NOC2L: variants seen among roughly 807,000 people sequenced by gnomAD.
NOC2L encodes NOC2 like nucleolar associated transcriptional repressor, also known as nucleolar complex protein 2 homolog.
A neutral mutation model predicts 94.2 loss-of-function variants in NOC2L; 101 were observed. The observed-to-expected ratio is 1.07, with a 90% CI of 0.91 to 1.26. The LOEUF is 1.26. NOC2L is among the 50% of genes most tolerant of loss of function. NOC2L has a pLI of 0.00. For missense variants in NOC2L, 1,076 were observed against 980.1 expected, an observed-to-expected ratio of 1.10 and a Z score of -1.31; for synonymous variants, 531 against 413.4, an observed-to-expected ratio of 1.28 and a Z score of -3.45.
rs988214710 is a variant in NOC2L at position 944,522 on chromosome 1, C to CCAGCT, written c.*167_*171dup. 9 of 627,318 alleles carry CCAGCT rather than the reference C, an allele frequency of 1.4e-5. No individual in the cohort carries two copies. The highest frequency in any genetic ancestry group is 2.1e-5 in the Non-Finnish European group (8 of 372,234). 38.9% of individuals were successfully genotyped at this position (627,318 alleles called of 1,614,324 possible). On this transcript the variant is annotated 3_prime_UTR_variant, in exon 19 of 19. Coordinates refer to ENST00000327044, the MANE Select transcript of NOC2L (RefSeq NM_015658.4). ...AGCAGCCACACCAGCCCAGCCCAGC[C>CCAGCT]CAGCTCTCGATACGTTTGGTCTTTC... is the stretch of plus-strand genomic sequence containing the variant.
At chr1:950,248 C>T (rs1044672227) in intron 12 of NOC2L, among the ~76,000 whole-genome samples, 2 of 151,332 alleles carry the variant, frequency 1.3e-5, no homozygotes, top group African/African-American at 4.9e-5. Context: ...GATGCAAATG[C>T]ATGCACACAA....
Position 953,228 on chromosome 1 carries a change from G to A in NOC2L, c.949C>T (p.Leu317Phe). The change falls in exon 9 of 19, where the codon CTC becomes TTC. Residue 317 changes from leucine (L) to phenylalanine (F), a missense_variant. By Grantham distance (22) the Leu-to-Phe change is conservative. Around this residue, in one of 3 missense-constraint regions of NOC2L, gnomAD observed 615 missense variants for 577.4 expected, o/e 1.07. Transcript: ENST00000327044. Reference protein sequence around the residue: ...ESLRVLAFLVLSRVCRHKKDT... With the variant: ...ESLRVLAFLVFSRVCRHKKDT... ...TTCTTGTGCCGGCAGACTCTGCTGAGGACCAGGAAAGCCAGCACCCGCAGA... is the reference window on the plus strand; with the variant it reads ...TTCTTGTGCCGGCAGACTCTGCTGAAGACCAGGAAAGCCAGCACCCGCAGA... 1.9e-6 allele frequency: 3 copies of A among 1,613,562 alleles called. No homozygotes were observed. Among genetic ancestry groups the A allele is most frequent in the Non-Finnish European group, 2.5e-6 (3 of 1,179,814 alleles).
intron 17 of NOC2L, 106 bp downstream of exon 17, chr1:945,412 T>C (rs1642076661): frequency 7.2e-7 from 1 of 1,381,586 alleles, no homozygotes; most frequent in Non-Finnish European, 9.9e-7. Context: ...GGCCAGAGAC[T>C]GGTGAGCCCC....
chr1:944,906 G>A, intron 18 of NOC2L, 106 bp from the exon 19 acceptor site: 3 of 1,392,100 alleles, frequency 2.2e-6, no homozygotes, highest in South Asian at 1.3e-5. Flanking sequence ...ATTTATCCCT[G>A]TTGCTGGCTG....
Position 951,185 on chromosome 1 carries a change from A to C in NOC2L, c.1385T>G (p.Leu462Arg). 1 of 1,597,628 alleles carries C rather than the reference A, an allele frequency of 6.3e-7. No individual in the cohort carries two copies. The highest frequency in any genetic ancestry group is 8.5e-7 in the Non-Finnish European group (1 of 1,172,386). The change falls in exon 12 of 19, where the codon CTG (leucine) becomes CGG (arginine). Residue 462 changes from leucine (L) to arginine (R), a missense_variant. Physicochemically the swap from Leu to Arg is moderately radical, Grantham distance 102. Coordinates refer to ENST00000327044, the MANE Select transcript of NOC2L (RefSeq NM_015658.4). The stretch of plus-strand genomic sequence containing the variant: ...CCCCGAGCTCCCCGAGAGCAGCGTC[A>C]GGGCACGGATGCAGTGCATTCGCAG... ...YPLRMHCIRALTLLSGSSGAF... is the reference protein window; with the variant it reads ...YPLRMHCIRARTLLSGSSGAF...
chr1:958,256 T>TTTC (rs1459834535), intron 2 of NOC2L: 1 of 165,542 alleles, frequency 6.0e-6, no homozygotes, highest in African/African-American at 2.4e-5. Context: ...TTTTGATTTC[T>TTTC]TTCTTTTTCT....
intron 10 of NOC2L, 118 bp downstream of exon 10, chr1:952,294 G>A: frequency 4.2e-6 from 6 of 1,423,230 alleles, no homozygotes; most frequent in Non-Finnish European, 4.8e-6. Flanking sequence ...ACTGCACCAG[G>A]GTGCTGGGCT....
chr1:945,160 A>G lies in NOC2L; in HGVS notation c.2054-14T>C. ...GCCTCAGTATCCCTGAGGAACAAGA[A>G]GCAGAGTCCATATGACTCCCACCCA... On this transcript the variant is annotated splice_polypyrimidine_tract_variant and intron_variant, in intron 17 of 18. Coordinates refer to ENST00000327044, the MANE Select transcript of NOC2L (RefSeq NM_015658.4). The G allele has an allele frequency of 1.4e-5, 23 of 1,586,486 alleles. No individual in the cohort carries two copies. The highest frequency in any genetic ancestry group is 2.0e-5 in the Non-Finnish European group (23 of 1,165,950).
At chr1:945,269 G>A (rs1337390079) in intron 17 of NOC2L, 123 bp from the exon 18 acceptor site, 4 of 1,282,210 alleles carry the variant, frequency 3.1e-6, no homozygotes, top group South Asian at 2.9e-5. Context: ...TCCAGCAGGT[G>A]GAGAGGAGCC....
intron 17 of NOC2L, 21 bp from the exon 18 acceptor site, chr1:945,167 T>TCC (rs1642065584): frequency 6.4e-7 from 1 of 1,573,112 alleles, no homozygotes; most frequent in East Asian, 2.4e-5. Context: ...AGAAGCAGAG[T>TCC]CCATATGACT....
chr1:954,807 G>A (rs1477866290), intron 6 of NOC2L, among the ~76,000 whole-genome samples: 1 of 151,472 alleles, frequency 6.6e-6, no homozygotes, highest in African/African-American at 2.4e-5. Context: ...GGGCGACAGA[G>A]CAAGATCCTA....
At position 944,622 on chromosome 1, in the gene NOC2L, CCTGA is replaced by C. The variant is rs1396999215; in HGVS notation, c.*68_*71del. ...AACTGCACAGACGCCAGCCTCTAGG[CCTGA>C]CTGCCAGGGAGGTGGAAACACTGGC... On this transcript the variant is annotated 3_prime_UTR_variant, in exon 19 of 19. Coordinates refer to ENST00000327044, the MANE Select transcript of NOC2L (RefSeq NM_015658.4). The C allele has an allele frequency of 1.2e-5, 11 of 935,462 alleles. No homozygotes were observed. Among genetic ancestry groups the C allele is most frequent in the Middle Eastern group, 3.1e-4 (1 of 3,192 alleles). The allele number at this position is 935,462 out of a possible 1,614,324, so 57.9% of individuals were successfully genotyped here.
chr1:953,936 T>C lies in NOC2L; in HGVS notation c.778-44A>G, dbSNP rs1315141205. ...AGTGAAGCCCCAAACCCATGTATTC[T>C]GGGATACAAAAAAGGACCGACCACC... is the stretch of plus-strand genomic sequence containing the variant. On this transcript the variant is annotated intron_variant, in intron 7 of 18. Transcript: ENST00000327044. 25 of 1,607,196 alleles carry C rather than the reference T, an allele frequency of 1.6e-5. No individual in the cohort carries two copies. In the Admixed American group the frequency reaches 4.2e-4, roughly 27 times the overall value.
chr1:948,697 C>G, intron 12 of NOC2L, 94 bp from the exon 13 acceptor site: 2 of 1,107,772 alleles, frequency 1.8e-6, no homozygotes, highest in Non-Finnish European at 2.8e-6. Context: ...TCCCTTTGGC[C>G]CTGCACCTGG....
At chr1:950,561 ACAG>A (rs778774382) in intron 12 of NOC2L, among the ~76,000 whole-genome samples, 12 of 152,172 alleles carry the variant, frequency 7.9e-5, no homozygotes, top group Non-Finnish European at 1.2e-4. Flanking sequence ...ATGCATACAC[ACAG>A]GTGTACACAC....
intron 14 of NOC2L, among the ~76,000 whole-genome samples, chr1:947,898 T>C (rs185896238): frequency 1.3e-5 from 2 of 152,326 alleles, no homozygotes; most frequent in Admixed American, 6.5e-5. Flanking sequence ...AGGAGGCTGT[T>C]GTGCTCCCAG....
At chr1:949,629 T>C (rs936002643) in intron 12 of NOC2L, among the ~76,000 whole-genome samples, 2 of 152,128 alleles carry the variant, frequency 1.3e-5, no homozygotes, top group Non-Finnish European at 2.9e-5. Flanking sequence ...AAACAGACAC[T>C]GCAAGAGAGT....
In NOC2L at chr1:959,097, G is replaced by C; in HGVS notation, c.27-16C>G. The stretch of plus-strand genomic sequence containing the variant: ...CGCCAGGCGCCTGCGGGTCACGCAG[G>C]AGTCACAGCTGCCCGCACGCCCAGC... On this transcript the variant is annotated splice_polypyrimidine_tract_variant and intron_variant, in intron 1 of 18. Transcript: ENST00000327044. 3 of 1,609,074 alleles carry C rather than the reference G, an allele frequency of 1.9e-6. No individual in the cohort carries two copies. Among genetic ancestry groups the C allele is most frequent in the Non-Finnish European group, 1.7e-6 (2 of 1,177,248 alleles).
In NOC2L at chr1:959,247, A is replaced by C. The variant is rs748979087; in HGVS notation, c.-7T>G. On this transcript the variant is annotated 5_prime_UTR_variant, in exon 1 of 19. Transcript: ENST00000327044. ...GGCTCCCCGCAGCTGCCATGACACC[A>C]ACCCGAAGCGTGCACCCCACTTCCG... 2 of 1,604,784 alleles carry C rather than the reference A, an allele frequency of 1.2e-6. No individual in the cohort carries two copies. The highest frequency in any genetic ancestry group is 3.4e-5 in the Admixed American group (2 of 59,228).
Sources: gnomAD v4.1 joint callset for allele counts (sites outside exome capture counted in the v4.1 genomes callset) on GRCh38, gnomAD v4.1.1 for gene constraint, gnomAD v4.1.1 regional missense constraint, MANE v1.5 for transcripts, NCBI Gene and HGNC (gene_info 2026-07-23, HGNC 2026-07-21) for gene names.